CYP19A1: variants seen among roughly 807,000 people sequenced by gnomAD.
The protein encoded by CYP19A1 is aromatase.
In CYP19A1, 32 loss-of-function variants were observed where a neutral mutation model predicts 44.4. That is an observed-to-expected ratio of 0.72 (90% confidence interval 0.54 to 0.97). The LOEUF (loss-of-function observed/expected upper bound fraction) is 0.97. Ranked by LOEUF, CYP19A1 falls within the 50% of genes least tolerant of loss-of-function variation. The probability of loss-of-function intolerance (pLI) is 0.00; values close to 1 mark genes in which losing one functional copy is unlikely to be tolerated. For synonymous variants in CYP19A1, 212 were observed against 215.6 expected (o/e 0.98, Z 0.14); for missense variants, 598 against 637.8 (o/e 0.94, Z 0.67).
chr15:51,267,033 G>A (rs1356214476), intron 1 of CYP19A1, among the ~76,000 whole-genome samples: 2 of 152,184 alleles, frequency 1.3e-5, no homozygotes, highest in South Asian at 2.1e-4. Flanking sequence ...TCTGAGGTGG[G>A]CAGGAACTTT....
intron 1 of CYP19A1, among the ~76,000 whole-genome samples, chr15:51,298,642 G>A (rs1341240912): frequency 6.6e-6 from 1 of 152,198 alleles, no homozygotes; most frequent in African/African-American, 2.4e-5. Context: ...TTTGTGAACA[G>A]CAGTCCAAAA....
intron 1 of CYP19A1, among the ~76,000 whole-genome samples, chr15:51,288,532 GT>G (rs1487436768): frequency 6.6e-6 from 1 of 152,110 alleles, no homozygotes; most frequent in African/African-American, 2.4e-5. Context: ...AAGCAGTCTG[GT>G]AAGTGCTCCA....
chr15:51,292,021 GTCAC>G (rs772661574), intron 1 of CYP19A1, among the ~76,000 whole-genome samples: 44 of 152,212 alleles, frequency 2.9e-4, no homozygotes, highest in Non-Finnish European at 4.7e-4. Flanking sequence ...TCGTCAGTCA[GTCAC>G]TCAGTCAGTC....
chr15:51,222,767 A>T (rs2032225422), intron 4 of CYP19A1, among the ~76,000 whole-genome samples: 1 of 152,272 alleles, frequency 6.6e-6, no homozygotes, highest in African/African-American at 2.4e-5. Flanking sequence ...TATTTTAAAC[A>T]AACTATTAAA....
chr15:51,261,487 G>C (rs2034720603), intron 1 of CYP19A1, among the ~76,000 whole-genome samples: 1 of 152,174 alleles, frequency 6.6e-6, no homozygotes, highest in Non-Finnish European at 1.5e-5. Flanking sequence ...AGCAAAAAGA[G>C]GAAGATAATG....
At chr15:51,306,757 G>A (rs2036223488) in intron 1 of CYP19A1, among the ~76,000 whole-genome samples, 1 of 152,172 alleles carries the variant, frequency 6.6e-6, no homozygotes, top group Non-Finnish European at 1.5e-5. Flanking sequence ...TAACAATACA[G>A]GATAATTGTA....
At chr15:51,256,669 G>A (rs958221630) in intron 1 of CYP19A1, among the ~76,000 whole-genome samples, 3 of 152,286 alleles carry the variant, frequency 2.0e-5, no homozygotes, top group Non-Finnish European at 2.9e-5. Flanking sequence ...TTCTATAACC[G>A]GGTAATGGAA....
At chr15:51,298,805 G>C (rs894775952) in intron 1 of CYP19A1, among the ~76,000 whole-genome samples, 3 of 152,256 alleles carry the variant, frequency 2.0e-5, no homozygotes, top group African/African-American at 7.2e-5. Flanking sequence ...TACTGCTGAG[G>C]AGAAGCCAGC....
At chr15:51,250,059 C>A (rs1265734870) in intron 1 of CYP19A1, among the ~76,000 whole-genome samples, 4 of 152,208 alleles carry the variant, frequency 2.6e-5, no homozygotes, top group Non-Finnish European at 4.4e-5. Flanking sequence ...CTTGTCCACC[C>A]TATAGTTCCC....
intron 1 of CYP19A1, among the ~76,000 whole-genome samples, chr15:51,331,182 G>A (rs575750844): frequency 4.6e-5 from 7 of 152,252 alleles, no homozygotes; most frequent in African/African-American, 1.4e-4. Context: ...AGCTGACATT[G>A]GAAATGGTAA....
intron 1 of CYP19A1, among the ~76,000 whole-genome samples, chr15:51,302,563 G>A (rs769474990): frequency 1.2e-4 from 18 of 152,204 alleles, no homozygotes; most frequent in Non-Finnish European, 2.2e-4. Flanking sequence ...CCTCTTACTA[G>A]AGAAGGTGGC....
At chr15:51,226,803 G>A (rs911697353) in intron 4 of CYP19A1, among the ~76,000 whole-genome samples, 1 of 152,104 alleles carries the variant, frequency 6.6e-6, no homozygotes, top group African/African-American at 2.4e-5. Flanking sequence ...GAAAACCACT[G>A]GATAAGGAAG....
intron 1 of CYP19A1, among the ~76,000 whole-genome samples, chr15:51,250,439 A>G (rs2034261933): frequency 6.6e-6 from 1 of 152,240 alleles, no homozygotes. Flanking sequence ...ATAGTAGTCC[A>G]AGAGTGCCCT....
At chr15:51,240,660 C>T (rs926895046) in intron 2 of CYP19A1, among the ~76,000 whole-genome samples, 5 of 152,182 alleles carry the variant, frequency 3.3e-5, no homozygotes, top group Non-Finnish European at 7.3e-5. Flanking sequence ...GTCTGTGCTA[C>T]TAGTGGATTC....
At chr15:51,230,927 C>T (rs1435513617) in intron 3 of CYP19A1, among the ~76,000 whole-genome samples, 1 of 152,146 alleles carries the variant, frequency 6.6e-6, no homozygotes, top group Non-Finnish European at 1.5e-5. Context: ...CGGCTGGTAA[C>T]AAACATTTAA....
At chr15:51,334,071 C>T (rs1287240724) in intron 1 of CYP19A1, among the ~76,000 whole-genome samples, 2 of 152,224 alleles carry the variant, frequency 1.3e-5, no homozygotes, top group Non-Finnish European at 2.9e-5. Context: ...CTAGCTTACA[C>T]ATTCTAGCAT....
chr15:51,290,689 C>T (rs915281525), intron 1 of CYP19A1, among the ~76,000 whole-genome samples: 21 of 152,302 alleles, frequency 1.4e-4, no homozygotes, highest in African/African-American at 4.8e-4. Flanking sequence ...TGAAGAGTTG[C>T]GGGGCCACTC....
chr15:51,299,347 C>G (rs1003499221), intron 1 of CYP19A1, among the ~76,000 whole-genome samples: 1 of 152,208 alleles, frequency 6.6e-6, no homozygotes, highest in African/African-American at 2.4e-5. Flanking sequence ...TGCTGCTGAC[C>G]CCAAAGGTGA....
At chr15:51,302,405 G>A (rs540761950) in intron 1 of CYP19A1, among the ~76,000 whole-genome samples, 1 of 152,328 alleles carries the variant, frequency 6.6e-6, no homozygotes, top group African/African-American at 2.4e-5. Context: ...GAATCATGGG[G>A]CTGAGAGTTG....
Sources: allele counts gnomAD v4.1 joint callset (sites outside exome capture counted in the v4.1 genomes callset), GRCh38; gene constraint gnomAD v4.1.1; transcripts MANE v1.5; gene names NCBI Gene and HGNC (gene_info 2026-07-23, HGNC 2026-07-21).